MACROD2: variants seen among roughly 807,000 people sequenced by gnomAD.
MACROD2 encodes the protein mono-ADP ribosylhydrolase 2.
In MACROD2, 36 loss-of-function variants were observed where a neutral mutation model predicts 70.4. The observed-to-expected ratio is 0.51, with a 90% CI of 0.39 to 0.68. MACROD2 has a LOEUF of 0.68. MACROD2 is among the 30% of genes least tolerant of loss of function. The pLI is 0.00. For missense variants in MACROD2, 496 were observed against 538.4 expected, an observed-to-expected ratio of 0.92 and a Z score of 0.78; for synonymous variants, 172 against 178.8, an observed-to-expected ratio of 0.96 and a Z score of 0.30.
chr20:14,833,010 T>A (rs2072989137), intron 5 of MACROD2, among the ~76,000 whole-genome samples: 1 of 152,184 alleles, frequency 6.6e-6, no homozygotes, highest in African/African-American at 2.4e-5. Flanking sequence ...GATGGAAACA[T>A]TGTGTGTCCA....
At chr20:14,945,736 A>C (rs953415768) in intron 5 of MACROD2, among the ~76,000 whole-genome samples, 1 of 152,154 alleles carries the variant, frequency 6.6e-6, no homozygotes, top group African/African-American at 2.4e-5. Flanking sequence ...CTGTGATAGC[A>C]AAGTACTTGC....
chr20:14,486,270 G>T (rs1001448646), intron 3 of MACROD2, among the ~76,000 whole-genome samples: 2 of 152,104 alleles, frequency 1.3e-5, no homozygotes, highest in South Asian at 4.1e-4. Flanking sequence ...TCTTTCAAGG[G>T]ACATAGTCCA....
intron 8 of MACROD2, among the ~76,000 whole-genome samples, chr20:15,521,891 G>T (rs183314751): frequency 6.6e-6 from 1 of 152,334 alleles, no homozygotes; most frequent in East Asian, 1.9e-4. Context: ...AGCCAAGTCA[G>T]TTCGTATGCA....
intron 5 of MACROD2, among the ~76,000 whole-genome samples, chr20:14,692,126 A>G (rs1691934519): frequency 6.6e-6 from 1 of 152,208 alleles, no homozygotes; most frequent in Non-Finnish European, 1.5e-5. Flanking sequence ...GAGCAGCAGC[A>G]TCACCTGGGA....
chr20:15,791,958 T>C (rs1189234112), intron 8 of MACROD2, among the ~76,000 whole-genome samples: 6 of 151,968 alleles, frequency 3.9e-5, no homozygotes, highest in Non-Finnish European at 7.4e-5. Context: ...AAGTGAAAAA[T>C]GCTTTGAAAT....
chr20:15,280,170 T>A (rs2077430332), intron 6 of MACROD2, among the ~76,000 whole-genome samples: 1 of 152,230 alleles, frequency 6.6e-6, no homozygotes, highest in East Asian at 1.9e-4. Flanking sequence ...AGTTTAACAA[T>A]GCTGCCTTAG....
intron 4 of MACROD2, among the ~76,000 whole-genome samples, 171 bp from the exon 5 acceptor site, chr20:14,684,672 A>T (rs1216270054): frequency 8.6e-6 from 1 of 115,804 alleles, no homozygotes; most frequent in African/African-American, 2.9e-5. Context: ...GCCCCCGCCA[A>T]CACACACACA....
intron 5 of MACROD2, among the ~76,000 whole-genome samples, chr20:14,820,430 G>T (rs2072830242): frequency 7.0e-6 from 1 of 142,512 alleles, no homozygotes. Flanking sequence ...TAAAAATACA[G>T]CTACTGTGAT....
intron 4 of MACROD2, among the ~76,000 whole-genome samples, chr20:14,633,946 T>G (rs570628521): frequency 6.6e-6 from 1 of 152,334 alleles, no homozygotes; most frequent in Admixed American, 6.5e-5. Flanking sequence ...CATAGACATA[T>G]TGTTTGGCTC....
chr20:14,096,058 A>C (rs971942142), intron 3 of MACROD2, among the ~76,000 whole-genome samples: 9 of 152,202 alleles, frequency 5.9e-5, no homozygotes, highest in Non-Finnish European at 2.9e-5. Flanking sequence ...TCAGGTCTAG[A>C]TAGGTATAAA....
intron 5 of MACROD2, among the ~76,000 whole-genome samples, chr20:14,844,693 A>G (rs556412251): frequency 1.3e-5 from 2 of 152,188 alleles, no homozygotes; most frequent in East Asian, 3.9e-4. Context: ...AGAAAGGCAT[A>G]AACATAGTGT....
chr20:14,105,027 G>A (rs1010125246), intron 3 of MACROD2, among the ~76,000 whole-genome samples: 1 of 152,104 alleles, frequency 6.6e-6, no homozygotes, highest in Non-Finnish European at 1.5e-5. Flanking sequence ...TAATCCTCAT[G>A]TGCAACCTTA....
intron 3 of MACROD2, among the ~76,000 whole-genome samples, chr20:14,382,343 A>T (rs2083430020): frequency 6.6e-6 from 1 of 151,240 alleles, no homozygotes; most frequent in Non-Finnish European, 1.5e-5. Context: ...TATAGGCGTG[A>T]GCCACCGTGA....
chr20:15,298,267 TAA>T (rs2146120651), intron 6 of MACROD2, among the ~76,000 whole-genome samples: 1 of 152,308 alleles, frequency 6.6e-6, no homozygotes, highest in African/African-American at 2.4e-5. Flanking sequence ...ATAATGCATG[TAA>T]AGTGTATCTC....
intron 7 of MACROD2, among the ~76,000 whole-genome samples, chr20:15,436,301 C>CA (rs564321909): frequency 7.9e-5 from 12 of 151,998 alleles, no homozygotes; most frequent in Middle Eastern, 3.2e-3. Context: ...TGGTGGAAGG[C>CA]AAGGAAGAGC....
chr20:14,076,556 G>T (rs2053918877), intron 2 of MACROD2, among the ~76,000 whole-genome samples: 1 of 152,020 alleles, frequency 6.6e-6, no homozygotes, highest in African/African-American at 2.4e-5. Context: ...GTGCATGTCT[G>T]TAGTCCCAGC....
chr20:15,630,858 G>A (rs1284189300), intron 8 of MACROD2, among the ~76,000 whole-genome samples: 1 of 152,120 alleles, frequency 6.6e-6, no homozygotes, highest in Non-Finnish European at 1.5e-5. Flanking sequence ...CAACTGAGTT[G>A]GAAGATCCAA....
rs181247728 is a variant in MACROD2, at chr20:14,956,354, A to T, written c.418+271395A>T. On this transcript the variant is annotated intron_variant, in intron 5 of 17. Coordinates refer to ENST00000684519, the MANE Select transcript of MACROD2 (RefSeq NM_001351661.2). The stretch of plus-strand genomic sequence containing the variant: ...CAGAAAAAAGATCAATATCATTTGG[A>T]TATGGGATAGTAAAAATGGCTTCTC... Among the ~76,000 whole-genome samples the T allele has an allele frequency of 2.0e-5, 3 of 152,294 alleles. No individual in the cohort carries two copies. The East Asian group carries it at 5.8e-4, about 29-fold the overall frequency.
chr20:15,683,628 G>C (rs923939371), intron 8 of MACROD2, among the ~76,000 whole-genome samples: 88 of 152,184 alleles, frequency 5.8e-4, no homozygotes, highest in Middle Eastern at 3.4e-3. Context: ...GCTGAGGCTG[G>C]AGTGTAGTGG....
Sources: gnomAD v4.1 joint callset for allele counts (sites outside exome capture counted in the v4.1 genomes callset) on GRCh38, gnomAD v4.1.1 for gene constraint, MANE v1.5 for transcripts, NCBI Gene and HGNC (gene_info 2026-07-23, HGNC 2026-07-21) for gene names.